KCNIP1: variants seen among roughly 807,000 people sequenced by gnomAD.
The protein encoded by KCNIP1 is A-type potassium channel modulatory protein KCNIP1.
Under a neutral mutation model 33.0 loss-of-function variants are expected in KCNIP1, and 18 were observed. That is an observed-to-expected ratio of 0.55 (90% CI 0.38 to 0.81). The LOEUF is 0.81. KCNIP1 is among the 30% of genes least tolerant of loss of function. The probability of loss-of-function intolerance (pLI) is 0.00; values close to 1 mark genes in which losing one functional copy is unlikely to be tolerated. For missense variants in KCNIP1, 238 were observed against 271.6 expected (o/e 0.88, Z 0.87); for synonymous variants, 93 against 98.3 (o/e 0.95, Z 0.32).
At chr5:170,444,985 T>C (rs570986028) in intron 1 of KCNIP1, among the ~76,000 whole-genome samples, 1 of 152,292 alleles carries the variant, frequency 6.6e-6, no homozygotes, top group African/African-American at 2.4e-5. Context: ...TTTCCAATTA[T>C]TTTGATGGAA....
At chr5:170,500,452 T>C (rs2113221867), upstream of KCNIP1, among the ~76,000 whole-genome samples, 1 of 152,272 alleles carries the variant, frequency 6.6e-6, no homozygotes, top group South Asian at 2.1e-4. Context: ...GCAAGGTCGC[T>C]GTATTGAGTA....
chr5:170,566,427 T>A, intron 1 of KCNIP1, among the ~76,000 whole-genome samples: 1 of 152,190 alleles, frequency 6.6e-6, no homozygotes. Flanking sequence ...TCATTTAAGC[T>A]TTTAAAGGAA....
intron 1 of KCNIP1, among the ~76,000 whole-genome samples, chr5:170,597,782 T>G (rs944005683): frequency 4.1e-5 from 3 of 73,942 alleles, no homozygotes; most frequent in African/African-American, 1.2e-4. Flanking sequence ...GAGAGAGAGA[T>G]AAATATATAT....
At chr5:170,626,917 G>A (rs1040365734) in intron 1 of KCNIP1, among the ~76,000 whole-genome samples, 1 of 152,160 alleles carries the variant, frequency 6.6e-6, no homozygotes, top group Non-Finnish European at 1.5e-5. Flanking sequence ...CACTTCCCAG[G>A]CTCTCTTGCG....
At chr5:170,676,583 G>A (rs754856571) in intron 1 of KCNIP1, among the ~76,000 whole-genome samples, 2 of 152,188 alleles carry the variant, frequency 1.3e-5, no homozygotes, top group Non-Finnish European at 2.9e-5. Flanking sequence ...TCTGGAAAAT[G>A]AGGCCCCTAT....
intron 1 of KCNIP1, among the ~76,000 whole-genome samples, chr5:170,456,270 G>A (rs1306133369): frequency 6.6e-6 from 1 of 152,062 alleles, no homozygotes; most frequent in Non-Finnish European, 1.5e-5. Flanking sequence ...GAGTACACAT[G>A]GACACAGGGA....
chr5:170,384,570 C>A (rs1226574810), intron 1 of KCNIP1, among the ~76,000 whole-genome samples: 1 of 152,220 alleles, frequency 6.6e-6, no homozygotes, highest in Non-Finnish European at 1.5e-5. Context: ...TGTGCTTCAA[C>A]TCCCAAGTAT....
chr5:170,674,736 C>T (rs2135046), intron 1 of KCNIP1, among the ~76,000 whole-genome samples: 30,731 of 152,068 alleles, frequency 0.2, 4,042 homozygotes, highest in East Asian at 0.55. Context: ...ATGATTGTTC[C>T]GAGGGTTTTG....
chr5:170,408,259 GA>G (rs762567608), intron 1 of KCNIP1, among the ~76,000 whole-genome samples: 8 of 152,182 alleles, frequency 5.3e-5, no homozygotes, highest in Non-Finnish European at 1.0e-4. Context: ...GACTGGCAGA[GA>G]ACTGTTTATG....
intron 1 of KCNIP1, among the ~76,000 whole-genome samples, chr5:170,579,156 C>T (rs1757704394): frequency 6.6e-6 from 1 of 152,200 alleles, no homozygotes; most frequent in Non-Finnish European, 1.5e-5. Flanking sequence ...TCACTACCTT[C>T]CTATGTACAA....
intron 1 of KCNIP1, among the ~76,000 whole-genome samples, chr5:170,435,516 T>A (rs1388262871): frequency 5.9e-5 from 9 of 152,126 alleles, no homozygotes; most frequent in Admixed American, 5.9e-4. Context: ...TTGGGGCTTT[T>A]TTGCAAGCTC....
chr5:170,649,234 C>A (rs1345374313), intron 1 of KCNIP1, among the ~76,000 whole-genome samples: 2 of 151,786 alleles, frequency 1.3e-5, no homozygotes, highest in Non-Finnish European at 2.9e-5. Flanking sequence ...ATTTCAACAG[C>A]AAAAACTGGA....
chr5:170,427,288 G>A (rs1184991511), intron 1 of KCNIP1, among the ~76,000 whole-genome samples: 3 of 152,162 alleles, frequency 2.0e-5, no homozygotes, highest in South Asian at 2.1e-4. Flanking sequence ...CCCCTCCTGC[G>A]GCCTCCAACG....
chr5:170,469,314 G>A (rs991057742), intron 1 of KCNIP1, among the ~76,000 whole-genome samples: 2 of 152,322 alleles, frequency 1.3e-5, no homozygotes, highest in Admixed American at 1.3e-4. Context: ...AGGATCACTT[G>A]AGCCCAGGAA....
At chr5:170,599,553 T>A (rs1758610842) in intron 1 of KCNIP1, among the ~76,000 whole-genome samples, 1 of 152,030 alleles carries the variant, frequency 6.6e-6, no homozygotes. Context: ...AGTAGACAAG[T>A]GGAGCTCAGA....
At chr5:170,735,691 A>G in intron 7 of KCNIP1, 68 bp from the exon 8 acceptor site, 2 of 1,363,106 alleles carry the variant, frequency 1.5e-6, no homozygotes, top group Non-Finnish European at 2.1e-6. Flanking sequence ...ACATTTGCTC[A>G]CCAGAGTTAC....
At chr5:170,663,863 C>T (rs1761593525) in intron 1 of KCNIP1, among the ~76,000 whole-genome samples, 1 of 152,046 alleles carries the variant, frequency 6.6e-6, no homozygotes, top group Non-Finnish European at 1.5e-5. Flanking sequence ...CCTGTGCGTT[C>T]ACTCCTGCCC....
At chr5:170,573,421 G>A (rs966499146) in intron 1 of KCNIP1, among the ~76,000 whole-genome samples, 3 of 152,118 alleles carry the variant, frequency 2.0e-5, no homozygotes, top group African/African-American at 4.8e-5. Context: ...ATTCTCCAGC[G>A]TCTATGAATT....
At chr5:170,385,202 G>C in intron 1 of KCNIP1, 1 of 1,172,872 alleles carries the variant, frequency 8.5e-7, no homozygotes. Flanking sequence ...TCTTGACCCT[G>C]CTGCCTTGAA....
Sources: allele counts gnomAD v4.1 joint callset (sites outside exome capture counted in the v4.1 genomes callset), GRCh38; gene constraint gnomAD v4.1.1; transcripts MANE v1.5; gene names NCBI Gene and HGNC (gene_info 2026-07-23, HGNC 2026-07-21).